VOPP1: variants seen among roughly 807,000 people sequenced by gnomAD.
VOPP1 encodes the protein VOPP1 WW domain binding protein, also known as WW domain binding protein VOPP1.
Under a neutral mutation model 23.5 loss-of-function variants are expected in VOPP1, and 8 were observed. The ratio of observed to expected loss-of-function variants is 0.34; its 90% CI spans 0.20 to 0.61. VOPP1 has a LOEUF of 0.61. Among genes scored for constraint, VOPP1 ranks in the 20% least tolerant of loss-of-function variants. The pLI is 0.78. For missense variants in VOPP1, 174 were observed against 238.1 expected, an observed-to-expected ratio of 0.73 and a Z score of 1.77; for synonymous variants, 83 against 97.3, an observed-to-expected ratio of 0.85 and a Z score of 0.86.
intron 4 of VOPP1, among the ~76,000 whole-genome samples, chr7:55,436,653 T>TGTGTGCGTGTGTGC (rs1312388739): frequency 2.9e-5 from 4 of 140,104 alleles, no homozygotes; most frequent in Non-Finnish European, 6.4e-5. Flanking sequence ...TGCGTGGGTG[T>TGTGTGCGTGTGTGC]GTGTGCGTGT....
intron 1 of VOPP1, among the ~76,000 whole-genome samples, chr7:55,563,598 C>G (rs565755958): frequency 6.6e-6 from 1 of 152,236 alleles, no homozygotes; most frequent in South Asian, 2.1e-4. Context: ...GGATGGGACC[C>G]AAGTCTAAAG....
At chr7:55,448,845 G>A (rs543951525) in intron 4 of VOPP1, among the ~76,000 whole-genome samples, 242 of 152,362 alleles carry the variant, frequency 1.6e-3, no homozygotes, top group Middle Eastern at 6.8e-3. Context: ...GCCACGCGCA[G>A]GACATGCCCA....
intron 1 of VOPP1, among the ~76,000 whole-genome samples, chr7:55,533,770 A>C: frequency 6.6e-6 from 1 of 152,204 alleles, no homozygotes. Context: ...TTCCCTCCTC[A>C]GTCATCAACA....
chr7:55,559,896 G>A (rs1797927843), intron 1 of VOPP1, among the ~76,000 whole-genome samples: 1 of 152,216 alleles, frequency 6.6e-6, no homozygotes, highest in Admixed American at 6.5e-5. Context: ...TCTCATGCCT[G>A]TAATCCCAGC....
Position 55,479,622 on chromosome 7 carries a change from G to A in VOPP1, c.329-6577C>T, listed in dbSNP as rs867203876. Among the ~76,000 whole-genome samples the A allele has an allele frequency of 3.9e-5, 6 of 152,088 alleles. No individual in the cohort carries two copies. The South Asian group carries it at 8.3e-4, about 21-fold the overall frequency. On this transcript the variant is annotated intron_variant, in intron 4 of 4. Transcript: ENST00000285279. The stretch of plus-strand genomic sequence containing the variant: ...ATTTTCATTTTAGCCAGAAATTTTA[G>A]AGCAATATTAAATATTATTAAATAT...
downstream of VOPP1, among the ~76,000 whole-genome samples, chr7:55,468,578 T>C (rs555798049): frequency 6.6e-6 from 1 of 152,350 alleles, no homozygotes; most frequent in African/African-American, 2.4e-5. Flanking sequence ...AAGGTTTGTC[T>C]GGATGAGCGA....
At chr7:55,455,512 A>C (rs1183046311) in intron 4 of VOPP1, among the ~76,000 whole-genome samples, 1 of 152,244 alleles carries the variant, frequency 6.6e-6, no homozygotes, top group Non-Finnish European at 1.5e-5. Context: ...CTAAGCAAAA[A>C]GAACAAAGGT....
intron 1 of VOPP1, among the ~76,000 whole-genome samples, chr7:55,552,346 A>T (rs1797644902): frequency 6.6e-6 from 1 of 152,228 alleles, no homozygotes. Context: ...CTATCGCAAA[A>T]TGCTGTTCTC....
At chr7:55,487,059 C>T (rs1205709179) in intron 4 of VOPP1, among the ~76,000 whole-genome samples, 1 of 152,236 alleles carries the variant, frequency 6.6e-6, no homozygotes, top group Non-Finnish European at 1.5e-5. Flanking sequence ...AAGAATGACG[C>T]TTATTCCACC....
chr7:55,501,508 A>C (rs142268465), intron 2 of VOPP1, among the ~76,000 whole-genome samples: 1 of 152,260 alleles, frequency 6.6e-6, no homozygotes, highest in African/African-American at 2.4e-5. Context: ...CCTGACTGTA[A>C]GGTCACTTTC....
chr7:55,536,188 T>C (rs1796777031), intron 1 of VOPP1, among the ~76,000 whole-genome samples: 1 of 152,172 alleles, frequency 6.6e-6, no homozygotes, highest in Non-Finnish European at 1.5e-5. Flanking sequence ...CTATACACCC[T>C]GAAGTATGGA....
chr7:55,487,407 C>T (rs527924241), intron 4 of VOPP1, among the ~76,000 whole-genome samples: 3 of 152,254 alleles, frequency 2.0e-5, no homozygotes, highest in East Asian at 1.9e-4. Flanking sequence ...GACTGTCCTC[C>T]GCAATCTCTC....
chr7:55,548,854 T>C (rs1240923330), intron 1 of VOPP1, among the ~76,000 whole-genome samples: 2 of 152,244 alleles, frequency 1.3e-5, no homozygotes, highest in Non-Finnish European at 2.9e-5. Context: ...CTGGGTTCTA[T>C]AACAGGCATT....
intron 2 of VOPP1, among the ~76,000 whole-genome samples, chr7:55,503,213 C>T (rs1332653322): frequency 6.6e-6 from 1 of 152,124 alleles, no homozygotes; most frequent in African/African-American, 2.4e-5. Context: ...ATAGGACCTG[C>T]GGTCCCTGGG....
intron 2 of VOPP1, among the ~76,000 whole-genome samples, chr7:55,514,057 G>A (rs1182071557): frequency 1.3e-5 from 2 of 152,160 alleles, no homozygotes; most frequent in African/African-American, 4.8e-5. Context: ...ATCCACCCCA[G>A]CGTCTGACTG....
Position 55,511,385 on chromosome 7 carries a change from G to A in VOPP1, c.113+9687C>T, listed in dbSNP as rs140337703. ...TAATACAGCCAGCATTAAAATATAT[G>A]AAACATCATACCAAACGGAACTTTT... On this transcript the variant is annotated intron_variant, in intron 2 of 4. Coordinates refer to ENST00000285279, the MANE Select transcript of VOPP1 (RefSeq NM_030796.5). Among the ~76,000 whole-genome samples, 472 of 152,264 alleles carry A rather than the reference G, an allele frequency of 3.1e-3. 5 individuals are homozygous for A. Among genetic ancestry groups the A allele is most frequent in the African/African-American group, 0.011 (451 of 41,532 alleles).
intron 2 of VOPP1, among the ~76,000 whole-genome samples, chr7:55,504,592 G>A (rs1016135491): frequency 3.9e-5 from 6 of 152,346 alleles, no homozygotes; most frequent in African/African-American, 1.4e-4. Flanking sequence ...TGCCCAGGCA[G>A]ACGCTGCCAC....
intron 4 of VOPP1, among the ~76,000 whole-genome samples, chr7:55,481,081 T>C (rs1792671929): frequency 6.6e-6 from 1 of 152,206 alleles, no homozygotes; most frequent in Non-Finnish European, 1.5e-5. Context: ...GAAATGGAAC[T>C]GTTGGGCAGA....
intron 4 of VOPP1, among the ~76,000 whole-genome samples, chr7:55,461,209 C>T (rs1218902689): frequency 1.3e-5 from 2 of 151,992 alleles, no homozygotes; most frequent in Non-Finnish European, 2.9e-5. Context: ...ATAAGAATGA[C>T]ACAATGGACT....
Sources: allele counts gnomAD v4.1 joint callset (sites outside exome capture counted in the v4.1 genomes callset), GRCh38; gene constraint gnomAD v4.1.1; transcripts MANE v1.5; gene names NCBI Gene and HGNC (gene_info 2026-07-23, HGNC 2026-07-21).